Variants in FER1L5 observed in about 807,000 individuals in gnomAD.
The protein encoded by FER1L5 is fer-1-like protein 5.
FER1L5 carries 187 observed loss-of-function variants against 279.9 expected under a neutral mutation model. The ratio of observed to expected loss-of-function variants is 0.67; its 90% CI spans 0.59 to 0.75. FER1L5 has a LOEUF of 0.75. Ranked by LOEUF, FER1L5 falls within the 30% of genes least tolerant of loss-of-function variation. FER1L5 has a pLI of 0.00. For missense variants in FER1L5, 2,091 were observed against 2,594.4 expected (o/e 0.81, Z 4.21); for synonymous variants, 921 against 989.7 (o/e 0.93, Z 1.30).
Position 96,699,967 on chromosome 2 carries a change from C to G in FER1L5, c.4817C>G (p.Pro1606Arg). 6.2e-7 allele frequency: 1 copy of G among 1,613,924 alleles called. No individual in the cohort carries two copies. Among genetic ancestry groups the G allele is most frequent in the Non-Finnish European group, 8.5e-7 (1 of 1,179,836 alleles). The part of the protein sequence containing the change: ...GPFRWRDQMP[P>R]SYLLERYAKR... Reference sequence around the variant, plus strand: ...TTTAGATGGCGGGATCAGATGCCCCCAAGCTACCTCCTAGAACGCTATGCC... The same window carrying G: ...TTTAGATGGCGGGATCAGATGCCCCGAAGCTACCTCCTAGAACGCTATGCC... Residue 1606 changes from proline to arginine, a missense_variant, in exon 44 of 53, where the codon CCA (proline) becomes CGA (arginine). Coordinates refer to ENST00000624922, the MANE Select transcript of FER1L5 (RefSeq NM_001293083.2).
rs1011415787 is a variant in FER1L5 at position 96,686,114 on chromosome 2, T to G, written c.2070T>G (p.Pro690=). 38 of 1,550,448 alleles carry G rather than the reference T, an allele frequency of 2.5e-5. No homozygotes were observed. The highest frequency in any genetic ancestry group is 3.2e-5 in the Non-Finnish European group (37 of 1,146,422). The change falls in exon 22 of 53, where the codon CCT becomes CCG. Residue 690 remains proline, a synonymous_variant. Coordinates refer to ENST00000624922, the MANE Select transcript of FER1L5 (RefSeq NM_001293083.2). ...TGTACCGCCTCAACACCGTGCTCCC[T>G]GAGGTGGGTGCTGCACACACTGGCC... ...DWLYRLNTVL[P]EPQMGLPDVM...
chr2:96,689,099 TACC>T lies in FER1L5; in HGVS notation c.2362-111_2362-109del, dbSNP rs2077043255. 2.3e-6 allele frequency: 3 copies of T among 1,292,162 alleles called. No individual in the cohort carries two copies. Among genetic ancestry groups the T allele is most frequent in the African/African-American group, 3.0e-5 (2 of 66,140 alleles). 80.0% of individuals were successfully genotyped at this position (1,292,162 alleles called of 1,614,324 possible). ...GGGACATGGCCCTTTCTTGCCTGGCTACCACATTTTTAGGATGCCCCTGCAGCC... is the reference window on the plus strand; with the variant it reads ...GGGACATGGCCCTTTCTTGCCTGGCTACATTTTTAGGATGCCCCTGCAGCC... On this transcript the variant is annotated intron_variant, in intron 24 of 52. Transcript: ENST00000624922. This position sits in a 1 kb window ranked among gnomAD's most constrained non-coding sequence, Gnocchi z 4.6.
At chr2:96,696,148 G>A (rs754617068) in intron 37 of FER1L5, 71 bp downstream of exon 37, 6 of 1,596,282 alleles carry the variant, frequency 3.8e-6, no homozygotes, top group Non-Finnish European at 3.4e-6. Flanking sequence ...CTAAGGAGGG[G>A]TGTCCATTAA....
Position 96,702,906 on chromosome 2 carries a change from A to C in FER1L5, c.5398-72A>C, listed in dbSNP as rs1171480075. ...TTGATAGTCTATCACTGCTGGGTGG[A>C]GGGCCACTGAGGGGTGCAAGGGAAA... is the stretch of plus-strand genomic sequence containing the variant. On this transcript the variant is annotated intron_variant, in intron 48 of 52. Transcript: ENST00000624922. This position sits in a 1 kb window ranked among gnomAD's most constrained non-coding sequence, Gnocchi z 4.0. The C allele has an allele frequency of 7.8e-6, 12 of 1,540,674 alleles. No homozygotes were observed. In the African/African-American group the frequency reaches 1.6e-4, roughly 21 times the overall value.
chr2:96,702,723 G>A lies in FER1L5; in HGVS notation c.5379G>A (p.Thr1793=), dbSNP rs770079760. ...TGGACTACCTGGCGGCGGAGCGCAC[G>A]TGTGTCCAGAGCCAGAAGGTAACAG... ...FTMDYLAAER[T]CVQSQKDYIW... The change falls in exon 48 of 53, where the codon ACG becomes ACA. Residue 1793 remains threonine, a synonymous_variant. Coordinates refer to ENST00000624922, the MANE Select transcript of FER1L5 (RefSeq NM_001293083.2). This position sits in a 1 kb window ranked among gnomAD's most constrained non-coding sequence, Gnocchi z 4.0. 3.7e-6 allele frequency: 6 copies of A among 1,613,064 alleles called. No homozygotes were observed. The highest frequency in any genetic ancestry group is 1.1e-5 in the South Asian group (1 of 90,886).
Position 96,686,294 on chromosome 2 carries a change from G to A in FER1L5, c.2173G>A (p.Ala725Thr), listed in dbSNP as rs1573918671. Reference protein sequence around the residue: ...VPAHSVLFSPAGALHSGRLCG... With the variant: ...VPAHSVLFSPTGALHSGRLCG... Reference sequence around the variant, plus strand: ...TGCCCACTCCGTCCTCTTCTCCCCGGCAGGGGCTCTGCACTCCGGCAGGCT... The same window carrying A: ...TGCCCACTCCGTCCTCTTCTCCCCGACAGGGGCTCTGCACTCCGGCAGGCT... Residue 725 changes from alanine to threonine, a missense_variant, in exon 23 of 53, where the codon GCA (alanine) becomes ACA (threonine). Coordinates refer to ENST00000624922, the MANE Select transcript of FER1L5 (RefSeq NM_001293083.2). 6.4e-7 allele frequency: 1 copy of A among 1,551,594 alleles called. No individual in the cohort carries two copies. Among genetic ancestry groups the A allele is most frequent in the Non-Finnish European group, 8.7e-7 (1 of 1,146,984 alleles).
chr2:96,649,014 G>A (rs888638765), intron 4 of FER1L5, among the ~76,000 whole-genome samples: 3 of 149,110 alleles, frequency 2.0e-5, no homozygotes, highest in African/African-American at 7.4e-5. Flanking sequence ...GTGAGGGAGG[G>A]TGTACTGCAC....
Position 96,646,450 on chromosome 2 carries a change from T to A in FER1L5, c.135T>A (p.Asn45Lys), listed in dbSNP as rs943464174. 3.9e-6 allele frequency: 6 copies of A among 1,551,692 alleles called. No individual in the cohort carries two copies. The highest frequency in any genetic ancestry group is 5.2e-6 in the Non-Finnish European group (6 of 1,146,934). Residue 45 changes from asparagine (N) to lysine (K), a missense_variant, in exon 2 of 53, where the codon AAT becomes AAA. Coordinates refer to ENST00000624922, the MANE Select transcript of FER1L5 (RefSeq NM_001293083.2). Reference protein sequence around the residue: ...RVVEGNDPVWNETLIWHLWNR... With the variant: ...RVVEGNDPVWKETLIWHLWNR... Reference sequence around the variant, plus strand: ...TGGAAGGGAATGATCCCGTGTGGAATGAGGTAGACAACAGGGCAAGCCCAG... The same window carrying A: ...TGGAAGGGAATGATCCCGTGTGGAAAGAGGTAGACAACAGGGCAAGCCCAG...
intron 19 of FER1L5, among the ~76,000 whole-genome samples, chr2:96,679,349 G>C (rs1354987581): frequency 1.3e-5 from 2 of 151,984 alleles, no homozygotes; most frequent in African/African-American, 4.8e-5. Context: ...TCAGCCTCCT[G>C]AGTAGCTGAG....
chr2:96,686,855 C>CAAAAAAAA (rs58724485), intron 23 of FER1L5, among the ~76,000 whole-genome samples: 3 of 41,140 alleles, frequency 7.3e-5, no homozygotes, highest in Admixed American at 2.3e-4. Flanking sequence ...GACTCCGTCT[C>CAAAAAAAA]AAAAAAAAAA....
Position 96,676,660 on chromosome 2 carries a change from A to C in FER1L5, c.1669+3406A>C, listed in dbSNP as rs137993012. On this transcript the variant is annotated intron_variant, in intron 19 of 52. Coordinates refer to ENST00000624922, the MANE Select transcript of FER1L5 (RefSeq NM_001293083.2). Reference sequence around the variant, plus strand: ...TTTTTTTTTTTTAGTATTACATTCTATCTATTGACAATATGTATCTTTGGA... The same window carrying C: ...TTTTTTTTTTTTAGTATTACATTCTCTCTATTGACAATATGTATCTTTGGA... Among the ~76,000 whole-genome samples the C allele has an allele frequency of 9.1e-5, 13 of 142,812 alleles. No individual in the cohort carries two copies. In the East Asian group the frequency reaches 2.6e-3, roughly 29 times the overall value. 93.7% of individuals were successfully genotyped at this position (142,812 alleles called of 152,430 possible).
intron 31 of FER1L5, among the ~76,000 whole-genome samples, chr2:96,692,973 C>T (rs1289150138): frequency 2.0e-5 from 3 of 152,056 alleles, no homozygotes; most frequent in African/African-American, 7.2e-5. Flanking sequence ...GTCAGGAATT[C>T]GAGACCAGCC....
chr2:96,695,946 G>T, intron 36 of FER1L5, 42 bp downstream of exon 36: 1 of 1,608,856 alleles, frequency 6.2e-7, no homozygotes, highest in South Asian at 1.1e-5. Context: ...CCTCACAAGC[G>T]AGCCTGCACT....
intron 42 of FER1L5, 49 bp from the exon 43 acceptor site, chr2:96,699,499 GCA>G: frequency 6.4e-7 from 1 of 1,567,246 alleles, no homozygotes. Flanking sequence ...AGGGAGGGGG[GCA>G]CAGAGACATT....
chr2:96,659,560 C>T (rs1348928785), intron 9 of FER1L5, among the ~76,000 whole-genome samples: 1 of 147,160 alleles, frequency 6.8e-6, no homozygotes, highest in African/African-American at 2.5e-5. Flanking sequence ...GGCGCAATCT[C>T]GGCTCATTGC....
chr2:96,652,445 C>G, intron 7 of FER1L5: 1 of 175,756 alleles, frequency 5.7e-6, no homozygotes, highest in South Asian at 1.4e-4. Flanking sequence ...GATAAAAGCA[C>G]AGTGGAAGCT....
chr2:96,687,369 C>T (rs2076970333), intron 23 of FER1L5, among the ~76,000 whole-genome samples: 1 of 152,276 alleles, frequency 6.6e-6, no homozygotes, highest in South Asian at 2.1e-4. Context: ...AGACATGAAT[C>T]CTGGCTCTGT....
intron 31 of FER1L5, among the ~76,000 whole-genome samples, chr2:96,693,066 T>C (rs1319445129): frequency 6.0e-5 from 9 of 151,222 alleles, no homozygotes; most frequent in Admixed American, 1.3e-4. Flanking sequence ...ATCCCAGCTA[T>C]TCGGGAGGCT....
chr2:96,677,347 A>T (rs935067382), intron 19 of FER1L5, among the ~76,000 whole-genome samples: 2 of 152,118 alleles, frequency 1.3e-5, no homozygotes, highest in Admixed American at 6.5e-5. Context: ...CTGCATATTT[A>T]CTTTTCCTGG....
Sources: allele counts gnomAD v4.1 joint callset (sites outside exome capture counted in the v4.1 genomes callset), GRCh38; gene constraint gnomAD v4.1.1; non-coding constraint Gnocchi (gnomAD v3.1); transcripts MANE v1.5; gene names NCBI Gene and HGNC (gene_info 2026-07-23, HGNC 2026-07-21).